Variants in CEP350 observed in about 807,000 individuals in gnomAD.
CEP350 encodes the protein centrosomal protein 350, also known as centrosome-associated protein 350.
Under a neutral mutation model 331.8 loss-of-function variants are expected in CEP350, and 126 were observed. The observed-to-expected ratio is 0.38, with a 90% CI of 0.33 to 0.44. CEP350 has a LOEUF of 0.44. CEP350 is among the 20% of genes least tolerant of loss of function. CEP350 has a pLI of 1.00. For missense variants in CEP350, 3,406 were observed against 3,634.6 expected (o/e 0.94, Z 1.62); for synonymous variants, 1,200 against 1,259.5 (o/e 0.95, Z 1.00).
At chr1:180,040,617 T>C (rs534066225) in intron 17 of CEP350, among the ~76,000 whole-genome samples, 44 of 150,674 alleles carry the variant, frequency 2.9e-4, no homozygotes, top group Non-Finnish European at 5.2e-4. Flanking sequence ...CTCTATTATT[T>C]AGCAGTATTT....
intron 25 of CEP350, among the ~76,000 whole-genome samples, chr1:180,056,477 T>C (rs60426398): frequency 0.068 from 1,347 of 19,848 alleles, 19 homozygotes; most frequent in Middle Eastern, 0.35. Context: ...CCCCCCCCCC[T>C]TTTTTTTTTT....
chr1:180,091,644 A>C (rs1242073327), intron 33 of CEP350, among the ~76,000 whole-genome samples: 2 of 152,118 alleles, frequency 1.3e-5, no homozygotes, highest in African/African-American at 4.8e-5. Flanking sequence ...CAGCCTGGGC[A>C]ATATGGTGAA....
At chr1:180,070,085 A>AAAATGTATG (rs1571953163) in intron 27 of CEP350, among the ~76,000 whole-genome samples, 1 of 152,184 alleles carries the variant, frequency 6.6e-6, no homozygotes, top group East Asian at 1.9e-4. Context: ...TTGCCTCAGA[A>AAAATGTATG]AAATGTATGT....
chr1:180,021,070 C>T, intron 12 of CEP350, 61 bp downstream of exon 12: 2 of 1,376,224 alleles, frequency 1.5e-6, no homozygotes, highest in South Asian at 1.7e-5. Context: ...TTTATAATTT[C>T]TGTATGAGAT....
chr1:180,099,049 G>C (rs1660647797), intron 37 of CEP350, 64 bp downstream of exon 37: 8 of 1,503,874 alleles, frequency 5.3e-6, no homozygotes, highest in Non-Finnish European at 7.2e-6. Flanking sequence ...AATGCAGTTA[G>C]ATTCTAAAAG....
At chr1:179,958,634 C>T (rs909117957) in intron 1 of CEP350, among the ~76,000 whole-genome samples, 1 of 152,048 alleles carries the variant, frequency 6.6e-6, no homozygotes, top group Non-Finnish European at 1.5e-5. Context: ...TGACTCTTGG[C>T]GAATTACTTA....
chr1:180,012,763 C>T (rs1340603738), intron 9 of CEP350, among the ~76,000 whole-genome samples: 4 of 152,146 alleles, frequency 2.6e-5, no homozygotes, highest in Non-Finnish European at 4.4e-5. Flanking sequence ...ATATAGAAGT[C>T]AATGTACATA....
At chr1:180,055,896 G>T (rs1466365177) in intron 25 of CEP350, among the ~76,000 whole-genome samples, 1 of 151,950 alleles carries the variant, frequency 6.6e-6, no homozygotes, top group Non-Finnish European at 1.5e-5. Flanking sequence ...CAAAAAATTG[G>T]TTTTAAAATA....
chr1:179,958,063 C>G (rs902770762), intron 1 of CEP350, among the ~76,000 whole-genome samples: 2 of 152,096 alleles, frequency 1.3e-5, no homozygotes, highest in African/African-American at 4.8e-5. Flanking sequence ...GCTGCTAAGT[C>G]TACATTTGTT....
At chr1:179,980,282 T>G (rs1652177791) in intron 1 of CEP350, among the ~76,000 whole-genome samples, 2 of 151,892 alleles carry the variant, frequency 1.3e-5, no homozygotes, top group Admixed American at 6.6e-5. Flanking sequence ...GCAGATTTTT[T>G]TTTTCTTTTT....
rs774300860 is a variant in CEP350 at position 180,080,668 on chromosome 1, C to T, written c.6124+7C>T. 1.2e-6 allele frequency: 2 copies of T among 1,612,154 alleles called. No homozygotes were observed. Among genetic ancestry groups the T allele is most frequent in the Non-Finnish European group, 1.7e-6 (2 of 1,178,620 alleles). On this transcript the variant is annotated splice_region_variant and intron_variant, in intron 30 of 37. Transcript: ENST00000367607. ...TTATCTATGACACAGTCAGGTAAGA[C>T]TAATCATGAGGAGTTTTTATTTGTG...
intron 5 of CEP350, among the ~76,000 whole-genome samples, chr1:179,995,464 G>T (rs930733904): frequency 7.9e-5 from 12 of 152,154 alleles, no homozygotes; most frequent in Non-Finnish European, 1.2e-4. Context: ...AGTTAGCCAG[G>T]CATCATGGCA....
In CEP350 at chr1:179,986,259, G is replaced by A. The variant is rs1323660737; in HGVS notation, c.73+5G>A. ...AAAGCAAGGATACTGTTCAAGGTAT[G>A]ATTTTGTTTTTTTAAACAGAACTTA... On this transcript the variant is annotated splice_donor_5th_base_variant and intron_variant, in intron 2 of 37. Transcript: ENST00000367607. 1 of 1,547,918 alleles carries A rather than the reference G, an allele frequency of 6.5e-7. No individual in the cohort carries two copies. Among genetic ancestry groups the A allele is most frequent in the African/African-American group, 1.4e-5 (1 of 72,922 alleles).
rs143968259 is a variant in CEP350, at chr1:180,095,844, C to T, written c.8833C>T (p.His2945Tyr). 3 of 1,613,890 alleles carry T rather than the reference C, an allele frequency of 1.9e-6. No homozygotes were observed. In the African/African-American group the frequency reaches 4.0e-5, roughly 22 times the overall value. The change falls in exon 35 of 38, where the codon CAT (histidine) becomes TAT (tyrosine). Residue 2945 changes from histidine (H) to tyrosine (Y), a missense_variant. By Grantham distance (83) the His-to-Tyr change is moderately conservative. This residue lies in a region of CEP350 where 1,415 missense variants were observed against 1,512.3 expected (regional missense o/e 0.94). Transcript: ENST00000367607. ...ATGGAAAGAATTAGGCCACGATCTT[C>T]ATAGCATCAGTATTCCTACAAAACT... is the stretch of plus-strand genomic sequence containing the variant. ...WKWKELGHDLHSISIPTKLLG... is the reference protein window; with the variant it reads ...WKWKELGHDLYSISIPTKLLG...
chr1:180,093,714 AATAAC>A lies in CEP350; in HGVS notation c.7611_7615del (p.Asn2537LysfsTer5). ...AGTGGAGTTAGATAAACCTGAAGGA[AATAAC>A]AATGGAACATATGATGGTATTGCAT... On this transcript the variant is annotated frameshift_variant, in exon 34 of 38. Coordinates refer to ENST00000367607, the MANE Select transcript of CEP350 (RefSeq NM_014810.5). LOFTEE classifies it high-confidence loss of function. 1 of 1,613,986 alleles carries A rather than the reference AATAAC, an allele frequency of 6.2e-7. No individual in the cohort carries two copies. Among genetic ancestry groups the A allele is most frequent in the Admixed American group, 1.7e-5 (1 of 60,022 alleles).
chr1:180,098,962 A>G lies in CEP350; in HGVS notation c.9166A>G (p.Arg3056Gly). 2 of 1,613,672 alleles carry G rather than the reference A, an allele frequency of 1.2e-6. No individual in the cohort carries two copies. Among genetic ancestry groups the G allele is most frequent in the South Asian group, 2.2e-5 (2 of 91,076 alleles). The change falls in exon 37 of 38, where the codon AGA becomes GGA. Residue 3056 changes from arginine to glycine, a missense_variant. Physicochemically the swap from Arg to Gly is moderately radical, Grantham distance 125. Transcript: ENST00000367607. ...QKMMKFGRKK[R>G]DRVDHILVQE... ...AATGATGAAATTTGGAAGAAAGAAA[A>G]GAGACCGAGTGGATCATATCCTGGT...
At chr1:179,973,521 T>C (rs551425189) in intron 1 of CEP350, among the ~76,000 whole-genome samples, 2 of 152,362 alleles carry the variant, frequency 1.3e-5, no homozygotes, top group African/African-American at 4.8e-5. Flanking sequence ...TTTTTTAGTG[T>C]AATCATAATT....
chr1:180,096,205 T>G, intron 36 of CEP350, 21 bp downstream of exon 36: 1 of 1,528,584 alleles, frequency 6.5e-7, no homozygotes, highest in Non-Finnish European at 8.8e-7. Flanking sequence ...AACTATAAAG[T>G]GTCTTCTTTT....
chr1:180,063,188 T>G (rs1001786968), intron 26 of CEP350, among the ~76,000 whole-genome samples: 1 of 106,638 alleles, frequency 9.4e-6, no homozygotes, highest in East Asian at 2.3e-4. Flanking sequence ...ATTTGAAACT[T>G]TTTTTTTTTT....
Sources: gnomAD v4.1 joint callset for allele counts (sites outside exome capture counted in the v4.1 genomes callset) on GRCh38, gnomAD v4.1.1 for gene constraint, gnomAD v4.1.1 regional missense constraint, MANE v1.5 for transcripts, NCBI Gene and HGNC (gene_info 2026-07-23, HGNC 2026-07-21) for gene names.